The following HNF1A variants were observed in gnomAD, a reference collection of about 807,000 sequenced individuals.
HNF1A encodes hepatocyte nuclear factor 1-alpha.
A neutral mutation model predicts 62.2 loss-of-function variants in HNF1A; 21 were observed. The ratio of observed to expected loss-of-function variants is 0.34; its 90% CI spans 0.24 to 0.49. HNF1A has a LOEUF of 0.49. HNF1A is among the 20% of genes least tolerant of loss of function. The pLI, the probability that HNF1A is intolerant of heterozygous loss-of-function variation, is 0.99. For missense variants in HNF1A, 687 were observed against 832.3 expected (o/e 0.83, Z 2.15); for synonymous variants, 374 against 366.8 (o/e 1.02, Z -0.22).
chr12:120,999,198 A>G, intron 7 of HNF1A, 70 bp from the exon 8 acceptor site: 2 of 1,590,098 alleles, frequency 1.3e-6, no homozygotes, highest in Non-Finnish European at 1.7e-6. Context: ...CCCTTTCCCC[A>G]GTCTTGAGGC....
Position 121,000,142 on chromosome 12 carries a change from C to T in HNF1A, c.1768+515C>T, listed in dbSNP as rs903300566. Among the ~76,000 whole-genome samples, 5 of 152,158 alleles carry T rather than the reference C, an allele frequency of 3.3e-5. 1 individual carries two copies. In the East Asian group the frequency reaches 5.8e-4, roughly 18 times the overall value. On this transcript the variant is annotated intron_variant, in intron 9 of 9. Transcript: ENST00000257555. The stretch of plus-strand genomic sequence containing the variant: ...GCTCCAATGACCCCTGGCGGTGGGG[C>T]GGTCACCTGAGTTTGTAATCTATGA...
At chr12:120,988,565 G>C (rs939175343) in intron 1 of HNF1A, among the ~76,000 whole-genome samples, 14 of 152,196 alleles carry the variant, frequency 9.2e-5, no homozygotes, top group African/African-American at 3.1e-4. Context: ...TCCAGTGTCT[G>C]TATCCATAGG....
chr12:120,988,320 C>T (rs914764402), intron 1 of HNF1A, among the ~76,000 whole-genome samples: 2 of 151,340 alleles, frequency 1.3e-5, no homozygotes, highest in Non-Finnish European at 2.9e-5. Context: ...ATCCATCATC[C>T]ATCCACCCAT....
chr12:120,979,007 A>T lies in HNF1A; in HGVS notation c.239A>T (p.Asp80Val), dbSNP rs1342558759. ...GACGAGACGGACGACGATGGGGAAG[A>T]CTTCACGCCACCCATCCTCAAAGAG... ...SEDETDDDGE[D>V]FTPPILKELE... is the part of the protein sequence containing the mutation. Residue 80 changes from aspartate to valine, a missense_variant, in exon 1 of 10, where the codon GAC becomes GTC. Asp to Val is a radical substitution (Grantham distance 152). Transcript: ENST00000257555. 2.5e-6 allele frequency: 4 copies of T among 1,609,824 alleles called. No homozygotes were observed. The East Asian group carries it at 8.9e-5, about 36-fold the overall frequency.
At chr12:120,997,959 A>G (rs1236085526) in intron 7 of HNF1A, 1 of 619,358 alleles carries the variant, frequency 1.6e-6, no homozygotes, top group Non-Finnish European at 2.9e-6. Context: ...GGCCATATGA[A>G]TTTCTAAAAT....
At position 121,001,151 on chromosome 12, in the gene HNF1A, G is replaced by A. The variant is rs1316999782; in HGVS notation, c.1855G>A (p.Glu619Lys). The change falls in exon 10 of 10, where the codon GAG becomes AAG. Residue 619 changes from glutamate to lysine, a missense_variant. Glu to Lys is a moderately conservative substitution (Grantham distance 56). This residue lies in a region of HNF1A where 408 missense variants were observed against 455.3 expected (regional missense o/e 0.90). Transcript: ENST00000257555. ...GCTGCCATCCAACCACAGCGTCATC[G>A]AGACCTTCATCTCCACCCAGATGGC... ...HLLPSNHSVI[E>K]TFISTQMASS... The A allele has an allele frequency of 2.5e-6, 4 of 1,613,970 alleles. No individual in the cohort carries two copies. Among genetic ancestry groups the A allele is most frequent in the Non-Finnish European group, 3.4e-6 (4 of 1,180,004 alleles).
At chr12:120,990,793 T>G (rs1403539716) in intron 2 of HNF1A, among the ~76,000 whole-genome samples, 1 of 152,012 alleles carries the variant, frequency 6.6e-6, no homozygotes, top group African/African-American at 2.4e-5. Flanking sequence ...ATAAGAAAAA[T>G]TAGATGCCTT....
Position 121,002,431 on chromosome 12 carries a change from A to G in HNF1A, c.*1239A>G. The G allele has an allele frequency of 3.8e-6, 2 of 531,312 alleles. No homozygotes were observed. Among genetic ancestry groups the G allele is most frequent in the East Asian group, 4.0e-5 (1 of 25,208 alleles). The allele number at this position is 531,312 out of a possible 1,614,324, so 32.9% of individuals were successfully genotyped here. A position where few individuals can be genotyped will look rare whatever the true frequency, so the allele number is the denominator to read the frequency against. On this transcript the variant is annotated 3_prime_UTR_variant, in exon 10 of 10. Transcript: ENST00000257555. ...AGGAAAAGGCCTGGGGTGACCCGGCACCCCCTGCAGCTTGTAGCCAGCCGG... is the reference window on the plus strand; with the variant it reads ...AGGAAAAGGCCTGGGGTGACCCGGCGCCCCCTGCAGCTTGTAGCCAGCCGG...
intron 7 of HNF1A, among the ~76,000 whole-genome samples, chr12:120,998,969 C>T (rs1877266521): frequency 6.6e-6 from 1 of 152,222 alleles, no homozygotes; most frequent in South Asian, 2.1e-4. Flanking sequence ...AGCCCTGCAC[C>T]TGCACCTCCC....
At chr12:120,997,733 A>T in intron 7 of HNF1A, 68 bp downstream of exon 7, 2 of 1,491,262 alleles carry the variant, frequency 1.3e-6, no homozygotes, top group South Asian at 1.2e-5. Context: ...ATGCAGGGGA[A>T]AGGGGTGCCT....
intron 2 of HNF1A, among the ~76,000 whole-genome samples, chr12:120,991,274 A>C (rs1876819572): frequency 6.6e-6 from 1 of 152,160 alleles, no homozygotes; most frequent in Admixed American, 6.5e-5. Context: ...CACTTCCACC[A>C]GCAGTAAAAA....
rs988638845 is a variant in HNF1A, at chr12:120,996,868, A to G, written c.1309+126A>G. 6.5e-7 allele frequency: 1 copy of G among 1,529,316 alleles called. No individual in the cohort carries two copies. Among genetic ancestry groups the G allele is most frequent in the African/African-American group, 1.4e-5 (1 of 72,720 alleles). 94.7% of individuals were successfully genotyped at this position (1,529,316 alleles called of 1,614,324 possible). On this transcript the variant is annotated intron_variant, in intron 6 of 9. Coordinates refer to ENST00000257555, the MANE Select transcript of HNF1A (RefSeq NM_000545.8). This position sits in a 1 kb window ranked among gnomAD's most constrained non-coding sequence, Gnocchi z 4.5. ...TACAACATGTATTTATCCAGTGCCT[A>G]CTCTGGACCAGTCACTGTGCTACAT... is the stretch of plus-strand genomic sequence containing the variant.
At chr12:120,997,351 A>G in intron 6 of HNF1A, 123 bp from the exon 7 acceptor site, 1 of 1,340,078 alleles carries the variant, frequency 7.5e-7, no homozygotes, top group South Asian at 1.5e-5. Flanking sequence ...CTGTTTCCTG[A>G]CCACCCTGCC....
chr12:120,988,586 C>T (rs1163163444), intron 1 of HNF1A, among the ~76,000 whole-genome samples: 3 of 152,236 alleles, frequency 2.0e-5, no homozygotes, highest in Admixed American at 6.5e-5. Context: ...CCTGTGTCCA[C>T]GTTTGTCATG....
Sources: allele counts gnomAD v4.1 joint callset (sites outside exome capture counted in the v4.1 genomes callset), GRCh38; gene constraint gnomAD v4.1.1; regional missense constraint gnomAD v4.1.1; non-coding constraint Gnocchi (gnomAD v3.1); transcripts MANE v1.5; gene names NCBI Gene and HGNC (gene_info 2026-07-23, HGNC 2026-07-21).